The following POLR3H variants were observed in gnomAD, a reference collection of about 807,000 sequenced individuals.
The protein encoded by POLR3H is DNA-directed RNA polymerase III subunit RPC8.
A neutral mutation model predicts 25.5 loss-of-function variants in POLR3H; 17 were observed. The observed-to-expected ratio is 0.67, with a 90% CI of 0.46 to 1.00. The LOEUF is 1.00. POLR3H is among the 50% of genes least tolerant of loss of function. POLR3H has a pLI of 0.00. For missense variants in POLR3H, 274 were observed against 265.0 expected (o/e 1.03, Z -0.24); for synonymous variants, 129 against 103.0 (o/e 1.25, Z -1.53).
Position 41,527,156 on chromosome 22 carries a change from G to T in POLR3H, c.*2127C>A. The T allele has an allele frequency of 1.5e-6, 2 of 1,373,410 alleles. No individual in the cohort carries two copies. Among genetic ancestry groups the T allele is most frequent in the East Asian group, 4.7e-5 (2 of 42,412 alleles). The allele number at this position is 1,373,410 out of a possible 1,614,324, so 85.1% of individuals were successfully genotyped here. On this transcript the variant is annotated 3_prime_UTR_variant, in exon 6 of 6. Coordinates refer to ENST00000355209, the MANE Select transcript of POLR3H (RefSeq NM_001018050.4). ...GCCCTTAGGCAGCAGGCGAGGAAGG[G>T]CCCCTCCAGCCCCTTTACCGGGAGC...
At chr22:41,530,320 C>G (rs577155759) in intron 5 of POLR3H, among the ~76,000 whole-genome samples, 1 of 151,944 alleles carries the variant, frequency 6.6e-6, no homozygotes, top group African/African-American at 2.4e-5. Flanking sequence ...TTTAGCCAGG[C>G]TGGTCTCAAA....
chr22:41,543,926 T>C, intron 1 of POLR3H, 65 bp downstream of exon 1: 1 of 1,195,760 alleles, frequency 8.4e-7, no homozygotes, highest in Non-Finnish European at 1.2e-6. Flanking sequence ...AGGCCGGGCC[T>C]GCGGCCAGTG....
intron 2 of POLR3H, chr22:41,540,362 G>T (rs1601964807): frequency 5.3e-6 from 2 of 379,730 alleles, no homozygotes; most frequent in Non-Finnish European, 1.0e-5. Flanking sequence ...ACAGATGAGG[G>T]AACAGAGGCC....
chr22:41,527,583 G>GAC lies in POLR3H; in HGVS notation c.*1698_*1699dup. ...TCTTAGGCTCACACAGTGCACATCC[G>GAC]ACGCTCAGCTTCCCGGCTTCCCGCA... On this transcript the variant is annotated 3_prime_UTR_variant, in exon 6 of 6. Transcript: ENST00000355209. 1 of 1,026,236 alleles carries GAC rather than the reference G, an allele frequency of 9.7e-7. No individual in the cohort carries two copies. Among genetic ancestry groups the GAC allele is most frequent in the Non-Finnish European group, 1.4e-6 (1 of 721,156 alleles). 63.6% of individuals were successfully genotyped at this position (1,026,236 alleles called of 1,614,324 possible).
In POLR3H at chr22:41,527,203, GT is replaced by G; in HGVS notation, c.*2079del. ...GAGCCTCAGGATGCCCAGGCGCCAGGTGGGTGAGGCCAGGCAGGTAGGGCCA... is the reference window on the plus strand; with the variant it reads ...GAGCCTCAGGATGCCCAGGCGCCAGGGGGTGAGGCCAGGCAGGTAGGGCCA... On this transcript the variant is annotated 3_prime_UTR_variant, in exon 6 of 6. Transcript: ENST00000355209. 2 of 1,601,300 alleles carry G rather than the reference GT, an allele frequency of 1.2e-6. No individual in the cohort carries two copies. Among genetic ancestry groups the G allele is most frequent in the Admixed American group, 3.4e-5 (2 of 59,332 alleles).
chr22:41,526,685 ATATCT>A lies in POLR3H; in HGVS notation c.*2593_*2597del. 2.1e-6 allele frequency: 1 copy of A among 483,452 alleles called. No homozygotes were observed. 29.9% of individuals were successfully genotyped at this position (483,452 alleles called of 1,614,324 possible). On this transcript the variant is annotated 3_prime_UTR_variant, in exon 6 of 6. Transcript: ENST00000355209. ...CTGCACCAGGAGGAGTTAGTGAGAG[ATATCT>A]TAGGATATCTGGCCCTAGACAAAGA...
intron 2 of POLR3H, among the ~76,000 whole-genome samples, chr22:41,536,319 C>A (rs9611607): frequency 6.6e-6 from 1 of 151,202 alleles, no homozygotes; most frequent in East Asian, 2.0e-4. Context: ...GGCGTGAACC[C>A]GGGCGGCGGA....
chr22:41,532,666 T>G lies in POLR3H; in HGVS notation c.288A>C (p.Gly96=). Residue 96 remains glycine, a synonymous_variant, in exon 3 of 6, where the codon GGA becomes GGC. Transcript: ENST00000355209. ...CGTCAGGGCCACTGTTACCGTGCACTCCTTCTGGGCTGCAGCCTTTGATCT... is the reference window on the plus strand; with the variant it reads ...CGTCAGGGCCACTGTTACCGTGCACGCCTTCTGGGCTGCAGCCTTTGATCT... ...IGKIKGCSPE[G]VHVSLGFFDD... The G allele has an allele frequency of 6.2e-7, 1 of 1,613,986 alleles. No individual in the cohort carries two copies. Among genetic ancestry groups the G allele is most frequent in the Non-Finnish European group, 8.5e-7 (1 of 1,179,918 alleles).
intron 2 of POLR3H, among the ~76,000 whole-genome samples, chr22:41,536,011 C>T (rs1393269785): frequency 6.6e-6 from 1 of 150,464 alleles, no homozygotes; most frequent in Non-Finnish European, 1.5e-5. Context: ...AGGCTGGTCT[C>T]GAACTCCTGA....
Position 41,525,999 on chromosome 22 carries a change from T to C in POLR3H, c.*3284A>G. 2.4e-6 allele frequency: 1 copy of C among 410,630 alleles called. No individual in the cohort carries two copies. Among genetic ancestry groups the C allele is most frequent in the Non-Finnish European group, 4.4e-6 (1 of 227,676 alleles). 25.4% of individuals were successfully genotyped at this position (410,630 alleles called of 1,614,324 possible). On this transcript the variant is annotated 3_prime_UTR_variant, in exon 6 of 6. Transcript: ENST00000355209. ...CCTGAAGGGTGAGCGAACATTGACC[T>C]GTCCCAACTTTGGGCGGCCTCTGCC...
At position 41,544,270 on chromosome 22, in the gene POLR3H, T is replaced by G; in HGVS notation, c.-169A>C. 1.8e-6 allele frequency: 1 copy of G among 571,080 alleles called. No individual in the cohort carries two copies. The highest frequency in any genetic ancestry group is 2.9e-5 in the East Asian group (1 of 34,190). 35.4% of individuals were successfully genotyped at this position (571,080 alleles called of 1,614,324 possible). The stretch of plus-strand genomic sequence containing the variant: ...GGGCCCGGTCCGGGCCATGCTCCGC[T>G]ACTACAACATGAGGAAACTGAGGCC... On this transcript the variant is annotated 5_prime_UTR_variant, in exon 1 of 6. Coordinates refer to ENST00000355209, the MANE Select transcript of POLR3H (RefSeq NM_001018050.4).
In POLR3H at chr22:41,527,176, G is replaced by A. The variant is rs146489598; in HGVS notation, c.*2107C>T. 90 of 1,523,200 alleles carry A rather than the reference G, an allele frequency of 5.9e-5. No homozygotes were observed. Among genetic ancestry groups the A allele is most frequent in the East Asian group, 9.1e-5 (4 of 43,896 alleles). 94.4% of individuals were successfully genotyped at this position (1,523,200 alleles called of 1,614,324 possible). On this transcript the variant is annotated 3_prime_UTR_variant, in exon 6 of 6. Coordinates refer to ENST00000355209, the MANE Select transcript of POLR3H (RefSeq NM_001018050.4). ...GAAGGGCCCCTCCAGCCCCTTTACC[G>A]GGAGCCTCAGGATGCCCAGGCGCCA...
Position 41,528,273 on chromosome 22 carries a change from C to T in POLR3H, c.*1010G>A. ...ACCTGGCACTCAGGGGACAGCCCAC[C>T]CACTGCAGGACCCTCTGGGCCCCAG... On this transcript the variant is annotated 3_prime_UTR_variant, in exon 6 of 6. Coordinates refer to ENST00000355209, the MANE Select transcript of POLR3H (RefSeq NM_001018050.4). 1.2e-6 allele frequency: 1 copy of T among 850,842 alleles called. No individual in the cohort carries two copies. The allele number at this position is 850,842 out of a possible 1,614,324, so 52.7% of individuals were successfully genotyped here. A position where few individuals can be genotyped will look rare whatever the true frequency, so the allele number is the denominator to read the frequency against.
At position 41,531,067 on chromosome 22, in the gene POLR3H, C is replaced by T. The variant is rs558601893; in HGVS notation, c.360-179G>A. 3.3e-5 allele frequency among the ~76,000 whole-genome samples: 5 copies of T among 152,326 alleles called. No individual in the cohort carries two copies. The South Asian group carries it at 6.2e-4, about 19-fold the overall frequency. ...CCTGGGCCAAACAGAGAGGAACAAG[C>T]GCTCTTGGAGGCCAGGACCCAGGAA... On this transcript the variant is annotated intron_variant, in intron 4 of 5. Coordinates refer to ENST00000355209, the MANE Select transcript of POLR3H (RefSeq NM_001018050.4).
chr22:41,525,924 C>A lies in POLR3H; in HGVS notation c.*3359G>T. The A allele has an allele frequency of 3.9e-6, 1 of 258,850 alleles. No individual in the cohort carries two copies. The highest frequency in any genetic ancestry group is 7.4e-6 in the Non-Finnish European group (1 of 135,612). 16.0% of individuals were successfully genotyped at this position (258,850 alleles called of 1,614,324 possible). On this transcript the variant is annotated 3_prime_UTR_variant, in exon 6 of 6. Transcript: ENST00000355209. ...TCATCAGCCAGGACCCAGGCATGTC[C>A]TGGGCTCCTGTGTCCAGCATGAGGT...
chr22:41,537,457 A>C (rs1417130937), intron 2 of POLR3H, among the ~76,000 whole-genome samples: 1 of 152,182 alleles, frequency 6.6e-6, no homozygotes, highest in African/African-American at 2.4e-5. Flanking sequence ...GTGGGGTTGC[A>C]GGAGAGGGAG....
chr22:41,535,645 G>A (rs2066829426), intron 2 of POLR3H, among the ~76,000 whole-genome samples: 1 of 152,146 alleles, frequency 6.6e-6, no homozygotes, highest in African/African-American at 2.4e-5. Context: ...TGGCCAACAT[G>A]GCAAAACCCA....
intron 1 of POLR3H, among the ~76,000 whole-genome samples, chr22:41,541,342 A>C (rs558333871): frequency 6.6e-6 from 1 of 152,272 alleles, no homozygotes; most frequent in African/African-American, 2.4e-5. Flanking sequence ...ACAACATCTC[A>C]GACACACAGA....
chr22:41,528,387 C>G lies in POLR3H; in HGVS notation c.*896G>C. The G allele has an allele frequency of 6.5e-7, 1 of 1,535,268 alleles. No individual in the cohort carries two copies. Among genetic ancestry groups the G allele is most frequent in the Non-Finnish European group, 8.8e-7 (1 of 1,139,338 alleles). ...TGGTTTGCCTGCTGACCTCTTAGGT[C>G]CCCAGGCAGTGCCCTGTCTCCCTGA... On this transcript the variant is annotated 3_prime_UTR_variant, in exon 6 of 6. Transcript: ENST00000355209.
Sources: allele counts gnomAD v4.1 joint callset (sites outside exome capture counted in the v4.1 genomes callset), GRCh38; gene constraint gnomAD v4.1.1; transcripts MANE v1.5; gene names NCBI Gene and HGNC (gene_info 2026-07-23, HGNC 2026-07-21).